Variants in BRINP1 observed in about 807,000 individuals in gnomAD.
BRINP1 encodes the protein BMP/retinoic acid inducible neural specific 1.
In BRINP1, 17 loss-of-function variants were observed where a neutral mutation model predicts 72.9. That is an observed-to-expected ratio of 0.23 (90% CI 0.16 to 0.35). The LOEUF is 0.35. Ranked by LOEUF, BRINP1 falls within the 10% of genes least tolerant of loss-of-function variation. The pLI is 1.00. For missense variants in BRINP1, 850 were observed against 1,001.6 expected, an observed-to-expected ratio of 0.85 and a Z score of 2.04; for synonymous variants, 418 against 378.5, an observed-to-expected ratio of 1.10 and a Z score of -1.21.
intron 7 of BRINP1, among the ~76,000 whole-genome samples, chr9:119,199,347 G>A (rs1829779818): frequency 6.6e-6 from 1 of 152,130 alleles, no homozygotes; most frequent in African/African-American, 2.4e-5. Flanking sequence ...TAGAGATAAC[G>A]ATTATCTTGG....
At chr9:119,300,370 TAACTAA>T (rs1426397924) in intron 2 of BRINP1, among the ~76,000 whole-genome samples, 4 of 152,140 alleles carry the variant, frequency 2.6e-5, no homozygotes, top group Admixed American at 6.6e-5. Flanking sequence ...AAAAATAGTA[TAACTAA>T]ACTCTTTGAA....
At chr9:119,232,199 A>G (rs1007440915) in intron 5 of BRINP1, among the ~76,000 whole-genome samples, 35 of 152,138 alleles carry the variant, frequency 2.3e-4, no homozygotes, top group Non-Finnish European at 1.0e-4. Flanking sequence ...TCATTACCAA[A>G]TCATGTCAGG....
At chr9:119,235,196 C>T (rs988059026) in intron 5 of BRINP1, among the ~76,000 whole-genome samples, 3 of 152,148 alleles carry the variant, frequency 2.0e-5, no homozygotes, top group Non-Finnish European at 4.4e-5. Context: ...TCTAAAATAT[C>T]AATCTCTTCA....
intron 2 of BRINP1, among the ~76,000 whole-genome samples, chr9:119,266,977 C>A (rs1483404714): frequency 6.6e-6 from 1 of 152,156 alleles, no homozygotes; most frequent in Non-Finnish European, 1.5e-5. Context: ...GACCTGAAGG[C>A]AGGGGAGGAC....
intron 2 of BRINP1, among the ~76,000 whole-genome samples, chr9:119,284,800 G>T (rs1256935082): frequency 6.6e-6 from 1 of 152,104 alleles, no homozygotes; most frequent in African/African-American, 2.4e-5. Flanking sequence ...AAAGTTCGCT[G>T]CCAAGAAAGA....
intron 2 of BRINP1, among the ~76,000 whole-genome samples, chr9:119,260,060 T>A (rs1383934043): frequency 1.3e-5 from 2 of 152,194 alleles, no homozygotes; most frequent in African/African-American, 4.8e-5. Flanking sequence ...CCTGTCCCTG[T>A]TTGAAACTAG....
At chr9:119,305,018 A>G (rs1830980426) in intron 2 of BRINP1, among the ~76,000 whole-genome samples, 1 of 152,212 alleles carries the variant, frequency 6.6e-6, no homozygotes, top group Non-Finnish European at 1.5e-5. Context: ...ACACAAACCC[A>G]TTGCAAACTC....
At chr9:119,246,617 T>C (rs1293809925) in intron 3 of BRINP1, among the ~76,000 whole-genome samples, 1 of 152,182 alleles carries the variant, frequency 6.6e-6, no homozygotes, top group Admixed American at 6.5e-5. Flanking sequence ...CCCTGACTAA[T>C]ACAGTAACAC....
rs565230457 is a variant in BRINP1, at chr9:119,167,134, T to G, written c.2236A>C (p.Asn746His). The G allele has an allele frequency of 8.7e-6, 14 of 1,614,016 alleles. No homozygotes were observed. The highest frequency in any genetic ancestry group is 1.0e-5 in the Non-Finnish European group (12 of 1,179,978). ...IRVNHALDLY[N>H]TEILKQSDQM... Reference sequence around the variant, plus strand: ...TCCGACTGTTTGAGGATCTCCGTGTTGTACAGGTCCAAGGCGTGGTTCACC... The same window carrying G: ...TCCGACTGTTTGAGGATCTCCGTGTGGTACAGGTCCAAGGCGTGGTTCACC... Residue 746 changes from asparagine to histidine, a missense_variant, in exon 8 of 8, where the codon AAC (asparagine) becomes CAC (histidine). By Grantham distance (68) the Asn-to-His change is moderately conservative. Transcript: ENST00000265922. This position sits in a 1 kb window ranked among gnomAD's most constrained non-coding sequence, Gnocchi z 4.3.
intron 1 of BRINP1, among the ~76,000 whole-genome samples, chr9:119,332,391 G>A (rs1224179749): frequency 1.3e-5 from 2 of 152,130 alleles, no homozygotes; most frequent in Admixed American, 6.5e-5. Flanking sequence ...GGATAGTTGT[G>A]GTGGATTACT....
intron 5 of BRINP1, among the ~76,000 whole-genome samples, chr9:119,233,015 GTTCT>G (rs1053491193): frequency 8.3e-6 from 1 of 120,704 alleles, no homozygotes; most frequent in Non-Finnish European, 1.7e-5. Context: ...CTCCAATCCT[GTTCT>G]TTCTTTTTTT....
chr9:119,242,707 T>A (rs997866358), intron 3 of BRINP1, among the ~76,000 whole-genome samples: 1 of 152,198 alleles, frequency 6.6e-6, no homozygotes, highest in Admixed American at 6.5e-5. Flanking sequence ...AATAGATAAA[T>A]GAACGGTGGA....
chr9:119,182,667 A>C (rs1253100402), intron 7 of BRINP1, among the ~76,000 whole-genome samples: 2 of 152,206 alleles, frequency 1.3e-5, no homozygotes, highest in African/African-American at 4.8e-5. Context: ...TTACCAGACA[A>C]CCAATCTACC....
chr9:119,170,064 A>T (rs150392384), intron 7 of BRINP1, among the ~76,000 whole-genome samples: 26,958 of 152,070 alleles, frequency 0.18, 2,847 homozygotes, highest in Admixed American at 0.24. Context: ...AACTCTAAAA[A>T]GCAGAGCGCC....
chr9:119,254,109 A>T (rs1830421978), intron 2 of BRINP1, among the ~76,000 whole-genome samples: 1 of 152,196 alleles, frequency 6.6e-6, no homozygotes, highest in Non-Finnish European at 1.5e-5. Flanking sequence ...TTGATTACAT[A>T]TTCGAAATTT....
intron 2 of BRINP1, among the ~76,000 whole-genome samples, chr9:119,300,523 C>A (rs1008372510): frequency 2.6e-5 from 4 of 151,968 alleles, no homozygotes; most frequent in African/African-American, 9.7e-5. Context: ...GAATTAAGAA[C>A]AAAAAATTAA....
intron 3 of BRINP1, among the ~76,000 whole-genome samples, chr9:119,243,132 T>A (rs1184306089): frequency 6.6e-6 from 1 of 152,154 alleles, no homozygotes; most frequent in Non-Finnish European, 1.5e-5. Flanking sequence ...ACGTATGCCA[T>A]GGTGGTTTGC....
intron 5 of BRINP1, 54 bp downstream of exon 5, chr9:119,238,601 T>C: frequency 9.3e-7 from 1 of 1,072,792 alleles, no homozygotes; most frequent in South Asian, 1.4e-5. Context: ...CTCCCACATA[T>C]CACATCCATG....
chr9:119,221,397 G>A (rs1011785522), intron 5 of BRINP1, among the ~76,000 whole-genome samples: 4 of 152,106 alleles, frequency 2.6e-5, no homozygotes, highest in African/African-American at 9.7e-5. Context: ...GTGTAATGAA[G>A]GCATGCAGGT....
Sources: gnomAD v4.1 joint callset for allele counts (sites outside exome capture counted in the v4.1 genomes callset) on GRCh38, gnomAD v4.1.1 for gene constraint, Gnocchi (gnomAD v3.1) non-coding constraint, MANE v1.5 for transcripts, NCBI Gene and HGNC (gene_info 2026-07-23, HGNC 2026-07-21) for gene names.